The following PAQR5 variants were observed in gnomAD, a reference collection of about 807,000 sequenced individuals.
PAQR5 encodes membrane progestin receptor gamma.
PAQR5 carries 20 observed loss-of-function variants against 34.5 expected under a neutral mutation model. The observed-to-expected ratio is 0.58, with a 90% CI of 0.41 to 0.84. The LOEUF (loss-of-function observed/expected upper bound fraction) is 0.84, where lower values mean the gene tolerates loss of function less well. Among genes scored for constraint, PAQR5 ranks in the 40% least tolerant of loss-of-function variants. The pLI is 0.00. For synonymous variants in PAQR5, 131 were observed against 155.6 expected, an observed-to-expected ratio of 0.84 and a Z score of 1.18; for missense variants, 378 against 412.7, an observed-to-expected ratio of 0.92 and a Z score of 0.73.
intron 2 of PAQR5, among the ~76,000 whole-genome samples, chr15:69,357,933 C>T (rs1226525518): frequency 6.6e-6 from 1 of 152,128 alleles, no homozygotes; most frequent in Non-Finnish European, 1.5e-5. Flanking sequence ...GAGGCTTCTT[C>T]CTGAAGGGGC....
At chr15:69,313,508 C>T (rs1049631318) in intron 1 of PAQR5, among the ~76,000 whole-genome samples, 4 of 151,978 alleles carry the variant, frequency 2.6e-5, no homozygotes, top group African/African-American at 7.2e-5. Context: ...TCAAAAACAG[C>T]GGCAACAACA....
chr15:69,392,652 T>C (rs1429592288), intron 6 of PAQR5, among the ~76,000 whole-genome samples: 1 of 152,080 alleles, frequency 6.6e-6, no homozygotes. Flanking sequence ...CAGAGGTCCA[T>C]GAGGCCATGA....
At chr15:69,396,107 T>C (rs1256802031) in intron 6 of PAQR5, among the ~76,000 whole-genome samples, 1 of 151,532 alleles carries the variant, frequency 6.6e-6, no homozygotes, top group Non-Finnish European at 1.5e-5. Context: ...ATCTGGCACC[T>C]GCCTGAGGAG....
At chr15:69,397,838 C>A in intron 7 of PAQR5, 2 of 488,864 alleles carry the variant, frequency 4.1e-6, no homozygotes, top group South Asian at 2.7e-5. Flanking sequence ...CAGTAACAGT[C>A]TGATATATCT....
chr15:69,308,041 G>A (rs1383696636), intron 1 of PAQR5, among the ~76,000 whole-genome samples: 1 of 152,230 alleles, frequency 6.6e-6, no homozygotes, highest in Non-Finnish European at 1.5e-5. Context: ...GCATTGCAGA[G>A]CTAGTTGCTG....
chr15:69,350,060 G>A (rs983672803), intron 2 of PAQR5, among the ~76,000 whole-genome samples: 2 of 152,190 alleles, frequency 1.3e-5, no homozygotes, highest in Non-Finnish European at 2.9e-5. Flanking sequence ...ATTTCTGTAG[G>A]CCAGACTTTA....
At chr15:69,380,844 C>T (rs1048177203) in intron 4 of PAQR5, among the ~76,000 whole-genome samples, 33 of 152,178 alleles carry the variant, frequency 2.2e-4, no homozygotes, top group Non-Finnish European at 4.1e-4. Context: ...CATGCAGGGG[C>T]GCCGTGGCAC....
At chr15:69,386,583 G>A (rs1369157774) in intron 5 of PAQR5, among the ~76,000 whole-genome samples, 2 of 150,272 alleles carry the variant, frequency 1.3e-5, no homozygotes, top group Non-Finnish European at 3.0e-5. Flanking sequence ...CTCCCTCCCG[G>A]ATTCCCTCCC....
intron 1 of PAQR5, among the ~76,000 whole-genome samples, chr15:69,300,773 C>CCTCTCT (rs200065159): frequency 6.4e-5 from 1 of 15,720 alleles, no homozygotes; most frequent in Non-Finnish European, 1.7e-4. Context: ...TTCCTCCCTC[C>CCTCTCT]CTCTCTCTCT....
At chr15:69,326,436 CTT>C (rs34210567) in intron 1 of PAQR5, among the ~76,000 whole-genome samples, 2,437 of 131,656 alleles carry the variant, frequency 0.019, 33 homozygotes, top group African/African-American at 0.043. Context: ...AGCTCTTTGT[CTT>C]TTTTTTTTTT....
At chr15:69,332,146 G>T (rs748993403) in intron 1 of PAQR5, among the ~76,000 whole-genome samples, 1 of 152,310 alleles carries the variant, frequency 6.6e-6, no homozygotes, top group East Asian at 1.9e-4. Flanking sequence ...ATAGAAAAAA[G>T]GATTTGTGAG....
chr15:69,302,163 C>T (rs1428282504), intron 1 of PAQR5, among the ~76,000 whole-genome samples: 1 of 152,026 alleles, frequency 6.6e-6, no homozygotes, highest in African/African-American at 2.4e-5. Context: ...CCTCCGCCTC[C>T]CGGTCTCGAG....
chr15:69,388,127 C>T (rs980376835), intron 5 of PAQR5, among the ~76,000 whole-genome samples: 1 of 152,178 alleles, frequency 6.6e-6, no homozygotes, highest in African/African-American at 2.4e-5. Flanking sequence ...CACCCTCTGC[C>T]CCTGCCTCCC....
chr15:69,390,200 G>C (rs943284167), intron 6 of PAQR5, among the ~76,000 whole-genome samples: 6 of 152,066 alleles, frequency 3.9e-5, no homozygotes, highest in African/African-American at 1.4e-4. Flanking sequence ...ATTTTTAGTA[G>C]AGACAGGGTT....
chr15:69,392,264 C>A (rs1419315163), intron 6 of PAQR5: 1 of 152,590 alleles, frequency 6.6e-6, no homozygotes, highest in Admixed American at 6.5e-5. Flanking sequence ...AGGTGTGAGC[C>A]ACCCTGCCCA....
intron 3 of PAQR5, among the ~76,000 whole-genome samples, chr15:69,364,549 T>TATATACATTATATATGTA (rs1347498014): frequency 4.0e-5 from 6 of 148,236 alleles, no homozygotes; most frequent in South Asian, 2.1e-4. Flanking sequence ...ATATGTTATA[T>TATATACATTATATATGTA]ATATATAACG....
At chr15:69,326,673 G>C (rs1019281746) in intron 1 of PAQR5, among the ~76,000 whole-genome samples, 1 of 152,194 alleles carries the variant, frequency 6.6e-6, no homozygotes, top group Non-Finnish European at 1.5e-5. Flanking sequence ...CTGACCTCAG[G>C]TGATCTGCCT....
At chr15:69,367,906 T>C (rs1910695) in intron 3 of PAQR5, among the ~76,000 whole-genome samples, 146,023 of 152,218 alleles carry the variant, frequency 0.96, 70,343 homozygotes, top group South Asian at 1. Flanking sequence ...GACCTTGATC[T>C]GTCATCAGTG....
chr15:69,337,247 T>C (rs1027957598), intron 1 of PAQR5, 94 bp from the exon 2 acceptor site: 1 of 152,274 alleles, frequency 6.6e-6, no homozygotes, highest in African/African-American at 2.4e-5. Context: ...ACCTGATTGC[T>C]CTAGAATTTG....
Sources: gnomAD v4.1 joint callset for allele counts (sites outside exome capture counted in the v4.1 genomes callset) on GRCh38, gnomAD v4.1.1 for gene constraint, MANE v1.5 for transcripts, NCBI Gene and HGNC (gene_info 2026-07-23, HGNC 2026-07-21) for gene names.